GLCE: variants seen among roughly 807,000 people sequenced by gnomAD.
GLCE encodes the protein D-glucuronyl C5-epimerase.
In GLCE, 19 loss-of-function variants were observed where a neutral mutation model predicts 47.9. That is an observed-to-expected ratio of 0.40 (90% CI 0.28 to 0.58). The LOEUF (loss-of-function observed/expected upper bound fraction) is 0.58. GLCE is among the 20% of genes least tolerant of loss of function. GLCE has a pLI of 0.48. For missense variants in GLCE, 556 were observed against 743.3 expected (o/e 0.75, Z 2.93); for synonymous variants, 245 against 263.4 (o/e 0.93, Z 0.68).
chr15:69,171,440 G>T (rs1196422906), intron 1 of GLCE, among the ~76,000 whole-genome samples: 1 of 150,032 alleles, frequency 6.7e-6, no homozygotes, highest in African/African-American at 2.5e-5. Flanking sequence ...ACTGTCGCCC[G>T]GGCTGGAGTG....
intron 1 of GLCE, among the ~76,000 whole-genome samples, chr15:69,189,246 T>A (rs2140350346): frequency 6.6e-6 from 1 of 152,326 alleles, no homozygotes; most frequent in South Asian, 2.1e-4. Flanking sequence ...CTCTCCATAG[T>A]CTTTGCCTTT....
At chr15:69,165,141 A>G (rs1241883125) in intron 1 of GLCE, among the ~76,000 whole-genome samples, 1 of 152,190 alleles carries the variant, frequency 6.6e-6, no homozygotes, top group Non-Finnish European at 1.5e-5. Flanking sequence ...ACAGGTAAAC[A>G]TGTGCCATAG....
At chr15:69,168,029 A>G (rs917048811) in intron 1 of GLCE, among the ~76,000 whole-genome samples, 1 of 152,070 alleles carries the variant, frequency 6.6e-6, no homozygotes, top group Non-Finnish European at 1.5e-5. Context: ...AAATGACAAT[A>G]TCTCTTCCAC....
At chr15:69,200,718 G>A (rs2052066304) in intron 1 of GLCE, among the ~76,000 whole-genome samples, 1 of 152,086 alleles carries the variant, frequency 6.6e-6, no homozygotes, top group Non-Finnish European at 1.5e-5. Context: ...GAAGCGATAA[G>A]GGGCATATTA....
At chr15:69,194,636 A>G (rs986363953) in intron 1 of GLCE, 2 of 152,106 alleles carry the variant, frequency 1.3e-5, no homozygotes, top group African/African-American at 4.8e-5. Context: ...CCAGAATGGC[A>G]TCTGTTAAAT....
intron 1 of GLCE, among the ~76,000 whole-genome samples, chr15:69,184,282 T>G (rs973360600): frequency 6.6e-6 from 1 of 152,198 alleles, no homozygotes. Context: ...GCTCTGGGCA[T>G]GCAATGCGGA....
intron 1 of GLCE, among the ~76,000 whole-genome samples, chr15:69,202,486 G>C (rs978934435): frequency 6.6e-6 from 1 of 152,052 alleles, no homozygotes; most frequent in Non-Finnish European, 1.5e-5. Context: ...TGCCGAGTGT[G>C]GGTCTACCCT....
At chr15:69,172,113 CT>C (rs966691630) in intron 1 of GLCE, among the ~76,000 whole-genome samples, 3 of 152,080 alleles carry the variant, frequency 2.0e-5, no homozygotes, top group African/African-American at 7.2e-5. Context: ...GAAATTCATA[CT>C]GATTTTTTAA....
intron 1 of GLCE, among the ~76,000 whole-genome samples, chr15:69,178,113 G>T (rs148689158): frequency 1.3e-5 from 2 of 152,200 alleles, no homozygotes; most frequent in East Asian, 3.9e-4. Context: ...GGTTAAATAG[G>T]ATGACTAGGT....
chr15:69,187,309 A>G (rs979744511), intron 1 of GLCE, among the ~76,000 whole-genome samples: 4 of 152,196 alleles, frequency 2.6e-5, no homozygotes, highest in African/African-American at 9.6e-5. Flanking sequence ...CATAAGAGAT[A>G]CTATTAATAT....
intron 2 of GLCE, among the ~76,000 whole-genome samples, chr15:69,252,301 T>C (rs999754584): frequency 3.3e-5 from 5 of 152,350 alleles, no homozygotes; most frequent in Admixed American, 6.5e-5. Flanking sequence ...TTCTGCAGGC[T>C]ATACAAACAT....
At chr15:69,237,446 A>C (rs757132229) in intron 2 of GLCE, among the ~76,000 whole-genome samples, 1 of 152,074 alleles carries the variant, frequency 6.6e-6, no homozygotes, top group African/African-American at 2.4e-5. Context: ...AGTACAAAAA[A>C]AATCAGCCAA....
At chr15:69,168,843 T>G (rs2051543260) in intron 1 of GLCE, among the ~76,000 whole-genome samples, 1 of 152,158 alleles carries the variant, frequency 6.6e-6, no homozygotes, top group Non-Finnish European at 1.5e-5. Flanking sequence ...ATCCATTCTG[T>G]TTTTTAAAAA....
intron 2 of GLCE, among the ~76,000 whole-genome samples, chr15:69,223,786 G>C (rs6494788): frequency 0.022 from 3,394 of 151,680 alleles, 129 homozygotes; most frequent in African/African-American, 0.078. Flanking sequence ...CTGTTCCTCA[G>C]AGTCATAGTT....
chr15:69,186,285 G>A (rs188028954), intron 1 of GLCE, among the ~76,000 whole-genome samples: 8 of 152,192 alleles, frequency 5.3e-5, no homozygotes, highest in Non-Finnish European at 1.0e-4. Context: ...CTGCTATAGA[G>A]CCGATAAAAG....
chr15:69,235,090 A>ATT (rs2052577156), intron 2 of GLCE, among the ~76,000 whole-genome samples: 3 of 82,482 alleles, frequency 3.6e-5, no homozygotes, highest in Non-Finnish European at 6.8e-5. Flanking sequence ...GATGAAGATT[A>ATT]TTCTTTTTTT....
chr15:69,240,122 A>G (rs2052645852), intron 2 of GLCE, among the ~76,000 whole-genome samples: 1 of 152,130 alleles, frequency 6.6e-6, no homozygotes, highest in Admixed American at 6.6e-5. Context: ...GATTAATCTT[A>G]ACATCATAAA....
chr15:69,255,661 A>G, intron 2 of GLCE, 133 bp from the exon 3 acceptor site: 1 of 540,048 alleles, frequency 1.9e-6, no homozygotes, highest in South Asian at 3.7e-5. Context: ...TTGAGTTTGC[A>G]ATTTTAAATC....
intron 1 of GLCE, among the ~76,000 whole-genome samples, chr15:69,173,196 T>A (rs996500211): frequency 1.3e-5 from 2 of 152,278 alleles, no homozygotes; most frequent in African/African-American, 4.8e-5. Context: ...AGCTTAGTTC[T>A]GTTCTGTTTG....
Sources: allele counts gnomAD v4.1 joint callset (sites outside exome capture counted in the v4.1 genomes callset), GRCh38; gene constraint gnomAD v4.1.1; transcripts MANE v1.5; gene names NCBI Gene and HGNC (gene_info 2026-07-23, HGNC 2026-07-21).